The following TRAM2 variants were observed in gnomAD, a reference collection of about 807,000 sequenced individuals.
TRAM2 encodes the protein translocating chain-associated membrane protein 2.
TRAM2 carries 12 observed loss-of-function variants against 51.0 expected under a neutral mutation model. That is an observed-to-expected ratio of 0.24 (90% CI 0.15 to 0.38). The LOEUF (loss-of-function observed/expected upper bound fraction) is 0.38. Ranked by LOEUF, TRAM2 falls within the 10% of genes least tolerant of loss-of-function variation. The pLI is 1.00. For missense variants in TRAM2, 361 were observed against 462.0 expected (o/e 0.78, Z 2.00); for synonymous variants, 175 against 179.4 (o/e 0.98, Z 0.20).
chr6:52,507,991 G>C (rs559650380), intron 6 of TRAM2, among the ~76,000 whole-genome samples: 1 of 152,338 alleles, frequency 6.6e-6, no homozygotes, highest in South Asian at 2.1e-4. Flanking sequence ...TATAAGATGA[G>C]AGTTAGGTTT....
At position 52,498,064 on chromosome 6, in the gene TRAM2, A is replaced by ATGAT. The variant is rs1203054892; in HGVS notation, c.*5129_*5132dup. ...CATTTTTTAAAAATAGACCTCTAAG[A>ATGAT]TGATGCTACATGTTCTAAAAGAGTG... is the stretch of plus-strand genomic sequence containing the variant. On this transcript the variant is annotated 3_prime_UTR_variant, in exon 11 of 11. Coordinates refer to ENST00000182527, the MANE Select transcript of TRAM2 (RefSeq NM_012288.4). 4 of 152,300 alleles carry ATGAT rather than the reference A, an allele frequency of 2.6e-5. No homozygotes were observed. Among genetic ancestry groups the ATGAT allele is most frequent in the African/African-American group, 9.7e-5 (4 of 41,450 alleles). The allele number at this position is 152,300 out of a possible 1,614,324, so 9.4% of individuals were successfully genotyped here.
intron 1 of TRAM2, among the ~76,000 whole-genome samples, chr6:52,541,801 C>CTTTTTTTTTTTTTTTTTTT (rs113470524): frequency 1.3e-5 from 1 of 75,190 alleles, no homozygotes; most frequent in African/African-American, 4.3e-5. Flanking sequence ...TCAGTTTATT[C>CTTTTTTTTTTTTTTTTTTT]TGTTTTTTTT....
chr6:52,545,254 ACCCT>A (rs536767493), intron 1 of TRAM2, among the ~76,000 whole-genome samples: 123 of 152,196 alleles, frequency 8.1e-4, no homozygotes, highest in Non-Finnish European at 1.4e-3. Context: ...GGCATCAGAC[ACCCT>A]CGGCCATGGC....
At chr6:52,515,238 G>C (rs138687702) in intron 4 of TRAM2, among the ~76,000 whole-genome samples, 131 of 152,302 alleles carry the variant, frequency 8.6e-4, no homozygotes, top group Middle Eastern at 3.4e-3. Flanking sequence ...CAGGTTACAG[G>C]AAGGTAGAGC....
Position 52,503,164 on chromosome 6 carries a change from A to AC in TRAM2, c.*32dup. The AC allele has an allele frequency of 6.3e-7, 1 of 1,595,964 alleles. No individual in the cohort carries two copies. The highest frequency in any genetic ancestry group is 8.6e-7 in the Non-Finnish European group (1 of 1,163,688). ...GCTCCTTGCCCCCTGCTCGGCCCCC[A>AC]CCAAGAGGATTCCTGTTCTTAGCAC... is the stretch of plus-strand genomic sequence containing the variant. On this transcript the variant is annotated 3_prime_UTR_variant, in exon 11 of 11. Transcript: ENST00000182527.
At chr6:52,542,223 T>C (rs1393571955) in intron 1 of TRAM2, among the ~76,000 whole-genome samples, 1 of 151,516 alleles carries the variant, frequency 6.6e-6, no homozygotes, top group Non-Finnish European at 1.5e-5. Flanking sequence ...AAGAAAACCT[T>C]GGAAAGTTAC....
In TRAM2 at chr6:52,503,052, C is replaced by T. The variant is rs923133112; in HGVS notation, c.*145G>A. The T allele has an allele frequency of 9.9e-6, 7 of 707,056 alleles. No homozygotes were observed. Among genetic ancestry groups the T allele is most frequent in the African/African-American group, 5.3e-5 (3 of 56,206 alleles). The allele number at this position is 707,056 out of a possible 1,614,324, so 43.8% of individuals were successfully genotyped here. A position where few individuals can be genotyped will look rare whatever the true frequency, so the allele number is the denominator to read the frequency against. On this transcript the variant is annotated 3_prime_UTR_variant, in exon 11 of 11. Transcript: ENST00000182527. Reference sequence around the variant, plus strand: ...GAAGCCAAGAAGAAGGAAAGCGAAACGCCCCCTCCCCCCATTGCAAGACAG... The same window carrying T: ...GAAGCCAAGAAGAAGGAAAGCGAAATGCCCCCTCCCCCCATTGCAAGACAG...
intron 10 of TRAM2, among the ~76,000 whole-genome samples, chr6:52,504,014 G>C (rs992547535): frequency 2.6e-5 from 4 of 152,206 alleles, no homozygotes; most frequent in African/African-American, 9.7e-5. Flanking sequence ...CAGGCCCCCA[G>C]GCTGGGCAGA....
At chr6:52,526,380 A>G (rs879789421) in intron 2 of TRAM2, among the ~76,000 whole-genome samples, 2 of 152,154 alleles carry the variant, frequency 1.3e-5, no homozygotes, top group African/African-American at 2.4e-5. Flanking sequence ...AGAGAAGTTG[A>G]TAAGATCCCA....
rs574335991 is a variant in TRAM2 at position 52,556,195 on chromosome 6, G to T, written c.121-20349C>A. Among the ~76,000 whole-genome samples, 3 of 152,092 alleles carry T rather than the reference G, an allele frequency of 2.0e-5. No homozygotes were observed. In the South Asian group the frequency reaches 6.3e-4, roughly 32 times the overall value. ...ATTCATGGGCAGAGCCGGGGGCTGG[G>T]GGCTCAGGCACGCAGGGAGAAGTGG... is the stretch of plus-strand genomic sequence containing the variant. On this transcript the variant is annotated intron_variant, in intron 1 of 10. Transcript: ENST00000182527.
At chr6:52,571,232 G>A (rs940441670) in intron 1 of TRAM2, among the ~76,000 whole-genome samples, 14 of 152,198 alleles carry the variant, frequency 9.2e-5, no homozygotes, top group Non-Finnish European at 1.8e-4. Flanking sequence ...ACTCTAATCC[G>A]CTCTTATCAA....
intron 1 of TRAM2, among the ~76,000 whole-genome samples, chr6:52,565,793 T>C (rs1474221526): frequency 1.2e-4 from 18 of 152,204 alleles, no homozygotes; most frequent in Non-Finnish European, 1.5e-5. Context: ...GAATAAATGT[T>C]ACATACAGGC....
chr6:52,531,074 C>T (rs1562481490), intron 2 of TRAM2, among the ~76,000 whole-genome samples: 2 of 126,908 alleles, frequency 1.6e-5, no homozygotes, highest in Admixed American at 9.0e-5. Flanking sequence ...AAGCTATACA[C>T]TACTTAAGGA....
chr6:52,567,083 G>A (rs1042264911), intron 1 of TRAM2, among the ~76,000 whole-genome samples: 4 of 152,240 alleles, frequency 2.6e-5, no homozygotes, highest in African/African-American at 4.8e-5. Flanking sequence ...TGCAGAACAA[G>A]GGGCAAGAGG....
intron 1 of TRAM2, among the ~76,000 whole-genome samples, chr6:52,573,267 G>A (rs930775584): frequency 1.3e-5 from 2 of 152,132 alleles, no homozygotes; most frequent in Non-Finnish European, 2.9e-5. Flanking sequence ...GGTGGAGGGG[G>A]AGGAGGCTAC....
In TRAM2 at chr6:52,500,447, C is replaced by T. The variant is rs1270272646; in HGVS notation, c.*2750G>A. The T allele has an allele frequency of 6.6e-6, 1 of 151,794 alleles. No homozygotes were observed. Among genetic ancestry groups the T allele is most frequent in the Non-Finnish European group, 1.5e-5 (1 of 68,016 alleles). 9.4% of individuals were successfully genotyped at this position (151,794 alleles called of 1,614,324 possible). ...GGTGACAAAGTACCCTACAACTACCCTCTAACCACCCCCCCCAAACATCCC... is the reference window on the plus strand; with the variant it reads ...GGTGACAAAGTACCCTACAACTACCTTCTAACCACCCCCCCCAAACATCCC... On this transcript the variant is annotated 3_prime_UTR_variant, in exon 11 of 11. Transcript: ENST00000182527.
intron 1 of TRAM2, among the ~76,000 whole-genome samples, chr6:52,553,657 C>T (rs1310211473): frequency 6.6e-6 from 1 of 152,172 alleles, no homozygotes; most frequent in African/African-American, 2.4e-5. Flanking sequence ...TAGTAGAGCA[C>T]AATAGTTAAG....
intron 9 of TRAM2, among the ~76,000 whole-genome samples, chr6:52,505,060 C>T (rs987051798): frequency 4.6e-5 from 7 of 152,230 alleles, no homozygotes; most frequent in African/African-American, 1.2e-4. Context: ...GTCTGTTTTG[C>T]GCCCATTGCA....
chr6:52,516,119 T>G lies in TRAM2; in HGVS notation c.298A>C (p.Ile100Leu). ...TTGGAGAGATGAAGCCGTTTGCTGA[T>G]TTTCTAAAGAATAAAGAAAACCCCT... ...AVVQEYILDKISKRLHLSKVK... is the reference protein window; with the variant it reads ...AVVQEYILDKLSKRLHLSKVK... Residue 100 changes from isoleucine (I) to leucine (L), a missense_variant, in exon 4 of 11, where the codon ATC (isoleucine) becomes CTC (leucine). By Grantham distance (5) the Ile-to-Leu change is conservative. Coordinates refer to ENST00000182527, the MANE Select transcript of TRAM2 (RefSeq NM_012288.4). 1 of 1,613,920 alleles carries G rather than the reference T, an allele frequency of 6.2e-7. No homozygotes were observed. Among genetic ancestry groups the G allele is most frequent in the African/African-American group, 1.3e-5 (1 of 75,024 alleles).
Sources: allele counts gnomAD v4.1 joint callset (sites outside exome capture counted in the v4.1 genomes callset), GRCh38; gene constraint gnomAD v4.1.1; transcripts MANE v1.5; gene names NCBI Gene and HGNC (gene_info 2026-07-23, HGNC 2026-07-21).